PTH1R: variants seen among roughly 807,000 people sequenced by gnomAD.
PTH1R encodes parathyroid hormone/parathyroid hormone-related peptide receptor.
A neutral mutation model predicts 70.7 loss-of-function variants in PTH1R; 32 were observed. The observed-to-expected ratio is 0.45, with a 90% CI of 0.34 to 0.61. PTH1R has a LOEUF of 0.61. Ranked by LOEUF, PTH1R falls within the 20% of genes least tolerant of loss-of-function variation. PTH1R has a pLI of 0.01. For synonymous variants in PTH1R, 329 were observed against 324.8 expected (o/e 1.01, Z -0.14); for missense variants, 626 against 792.5 (o/e 0.79, Z 2.52).
rs1165541152 is a variant in PTH1R, at chr3:46,883,223, G to GC, written c.-48-286dup. 4.6e-6 allele frequency: 1 copy of GC among 217,418 alleles called. No homozygotes were observed. The highest frequency in any genetic ancestry group is 9.0e-6 in the Non-Finnish European group (1 of 110,894). 13.5% of individuals were successfully genotyped at this position (217,418 alleles called of 1,614,324 possible). A position where few individuals can be genotyped will look rare whatever the true frequency, so the allele number is the denominator to read the frequency against. On this transcript the variant is annotated intron_variant, in intron 2 of 15. Transcript: ENST00000449590. This position sits in a 1 kb window ranked among gnomAD's most constrained non-coding sequence, Gnocchi z 6.4. ...GCGGGGGGCGGGCCGGGGGCGGGGG[G>GC]CCCGGCCATATGGATGTGATTTCTT...
intron 10 of PTH1R, among the ~76,000 whole-genome samples, chr3:46,900,233 T>C (rs939537955): frequency 1.3e-5 from 2 of 151,694 alleles, no homozygotes; most frequent in African/African-American, 4.8e-5. Flanking sequence ...AGCCCCAGAG[T>C]TGGGGAGACC....
intron 4 of PTH1R, among the ~76,000 whole-genome samples, chr3:46,895,520 A>G (rs1450379456): frequency 6.6e-6 from 1 of 151,672 alleles, no homozygotes; most frequent in African/African-American, 2.4e-5. Context: ...CTGGGGGACA[A>G]TCTCCACCTC....
chr3:46,901,060 G>A lies in PTH1R; in HGVS notation c.1024G>A (p.Val342Ile), dbSNP rs1471166630. 2 of 1,583,582 alleles carry A rather than the reference G, an allele frequency of 1.3e-6. No homozygotes were observed. The highest frequency in any genetic ancestry group is 1.7e-6 in the Non-Finnish European group (2 of 1,163,720). ...PAVFVAVWVSVRATLANTGCW... is the reference protein window; with the variant it reads ...PAVFVAVWVSIRATLANTGCW... ...TGTCTTCGTGGCTGTGTGGGTCAGT[G>A]TCAGAGCTACCCTGGCCAACACCGG... The change falls in exon 11 of 16, where the codon GTC becomes ATC. Residue 342 changes from valine (V) to isoleucine (I), a missense_variant. Around this residue, in one of 3 missense-constraint regions of PTH1R, gnomAD observed 495 missense variants for 638.7 expected, o/e 0.77. Transcript: ENST00000449590. The surrounding 1 kb of genome is among the most constrained non-coding windows in gnomAD (Gnocchi z 7.3).
Position 46,883,631 on chromosome 3 carries a change from G to T in PTH1R, c.72G>T (p.Ala24=), listed in dbSNP as rs1234738292. 3.2e-6 allele frequency: 5 copies of T among 1,545,412 alleles called. No homozygotes were observed. The highest frequency in any genetic ancestry group is 3.5e-6 in the Non-Finnish European group (4 of 1,146,754). Residue 24 remains alanine, a synonymous_variant, in exon 3 of 16, where the codon GCG becomes GCT. Coordinates refer to ENST00000449590, the MANE Select transcript of PTH1R (RefSeq NM_000316.3). The surrounding 1 kb of genome is among the most constrained non-coding windows in gnomAD (Gnocchi z 6.4). ...GCCCCGTGCTCAGCTCCGCGTACGC[G>T]CTGGTGAGTCCCCCGCCGCCAACAC... The part of the protein sequence containing the change: ...LCCPVLSSAY[A]LVDADDVMTK...
At position 46,898,165 on chromosome 3, in the gene PTH1R, A is replaced by G. The variant is rs1309519646; in HGVS notation, c.516A>G (p.Lys172=). The change falls in exon 7 of 16, where the codon AAA becomes AAG. Residue 172 remains lysine, a synonymous_variant. Coordinates refer to ENST00000449590, the MANE Select transcript of PTH1R (RefSeq NM_000316.3). ...RTWANYSECV[K]FLTNETRERE... Reference sequence around the variant, plus strand: ...GGGCCAACTACAGCGAGTGTGTCAAATTTCTCACCAATGAGACTCGTGAAC... The same window carrying G: ...GGGCCAACTACAGCGAGTGTGTCAAGTTTCTCACCAATGAGACTCGTGAAC... 6.2e-7 allele frequency: 1 copy of G among 1,614,142 alleles called. No homozygotes were observed. Among genetic ancestry groups the G allele is most frequent in the Middle Eastern group, 1.6e-4 (1 of 6,062 alleles).
chr3:46,899,258 C>T (rs779811103), intron 9 of PTH1R, 45 bp from the exon 10 acceptor site: 8 of 1,612,774 alleles, frequency 5.0e-6, no homozygotes, highest in African/African-American at 1.3e-5. Context: ...CCTGACTTCC[C>T]GGAGGCAGGC....
chr3:46,882,242 G>C lies in PTH1R; in HGVS notation c.-49+1124G>C, dbSNP rs1373641675. Reference sequence around the variant, plus strand: ...GGGAGGGAAGAGGCGCCCGGCCGGGGAGAAGGGGAGCGGCAGACGCCGAGG... The same window carrying C: ...GGGAGGGAAGAGGCGCCCGGCCGGGCAGAAGGGGAGCGGCAGACGCCGAGG... On this transcript the variant is annotated intron_variant, in intron 2 of 15. Coordinates refer to ENST00000449590, the MANE Select transcript of PTH1R (RefSeq NM_000316.3). This position sits in a 1 kb window ranked among gnomAD's most constrained non-coding sequence, Gnocchi z 4.3. 1 of 151,964 alleles carries C rather than the reference G, an allele frequency of 6.6e-6. No homozygotes were observed. The highest frequency in any genetic ancestry group is 2.1e-4 in the South Asian group (1 of 4,872). The allele number at this position is 151,964 out of a possible 1,614,324, so 9.4% of individuals were successfully genotyped here. A position where few individuals can be genotyped will look rare whatever the true frequency, so the allele number is the denominator to read the frequency against.
intron 9 of PTH1R, 38 bp downstream of exon 9, chr3:46,898,895 A>C: frequency 7.0e-7 from 1 of 1,430,148 alleles, no homozygotes; most frequent in Non-Finnish European, 9.3e-7. Context: ...CGGTGCCGCC[A>C]CTGGCCTCGT....
chr3:46,887,163 C>T (rs1387026324), intron 3 of PTH1R, among the ~76,000 whole-genome samples: 1 of 151,898 alleles, frequency 6.6e-6, no homozygotes, highest in African/African-American at 2.4e-5. Flanking sequence ...TCGCTTGAAC[C>T]CAGGAGGCAG....
chr3:46,893,019 G>A lies in PTH1R; in HGVS notation c.76-888G>A, dbSNP rs1292457486. On this transcript the variant is annotated intron_variant, in intron 3 of 15. Transcript: ENST00000449590. This position sits in a 1 kb window ranked among gnomAD's most constrained non-coding sequence, Gnocchi z 5.2. ...GGCTGCTCCCAAGTCAGAGGACAGA[G>A]GCTGAGACCCCTCAGCAGCCACCTG... Among the ~76,000 whole-genome samples the A allele has an allele frequency of 2.0e-5, 3 of 152,206 alleles. No homozygotes were observed. The highest frequency in any genetic ancestry group is 7.2e-5 in the African/African-American group (3 of 41,448).
rs1186755874 is a variant in PTH1R, at chr3:46,892,597, G to C, written c.76-1310G>C. 1 of 306,498 alleles carries C rather than the reference G, an allele frequency of 3.3e-6. No individual in the cohort carries two copies. The highest frequency in any genetic ancestry group is 4.8e-6 in the Non-Finnish European group (1 of 207,114). The allele number at this position is 306,498 out of a possible 1,614,324, so 19.0% of individuals were successfully genotyped here. Reference sequence around the variant, plus strand: ...CCTCGCTGCTGCCGCCAAGAGACGCGGTCAATTAACTTCTCCCTGCAGCCA... The same window carrying C: ...CCTCGCTGCTGCCGCCAAGAGACGCCGTCAATTAACTTCTCCCTGCAGCCA... On this transcript the variant is annotated intron_variant, in intron 3 of 15. Transcript: ENST00000449590. This position sits in a 1 kb window ranked among gnomAD's most constrained non-coding sequence, Gnocchi z 5.2.
intron 4 of PTH1R, among the ~76,000 whole-genome samples, chr3:46,895,063 C>CAAAAAAAAAAAAAAA (rs66702283): frequency 1.9e-5 from 1 of 52,866 alleles, no homozygotes; most frequent in African/African-American, 4.4e-5. Flanking sequence ...GACCTTGTCT[C>CAAAAAAAAAAAAAAA]AAAAAAAAAA....
In PTH1R at chr3:46,903,763, G is replaced by T; in HGVS notation, c.*107G>T. ...AGGGCTGGGGCCAAGAGGAAAAACA[G>T]GGAAAAAAAGAAAAAAAAAAGAAAA... On this transcript the variant is annotated 3_prime_UTR_variant, in exon 16 of 16. Transcript: ENST00000449590. This position sits in a 1 kb window ranked among gnomAD's most constrained non-coding sequence, Gnocchi z 4.4. The T allele has an allele frequency of 2.0e-6, 3 of 1,522,826 alleles. No homozygotes were observed. Among genetic ancestry groups the T allele is most frequent in the Non-Finnish European group, 2.6e-6 (3 of 1,137,174 alleles). The allele number at this position is 1,522,826 out of a possible 1,614,324, so 94.3% of individuals were successfully genotyped here.
chr3:46,883,780 T>C lies in PTH1R; in HGVS notation c.75+146T>C. ...CCTCTGATCCAGGATCCTGGGTGCC[T>C]GCTGTCTCTGGGATGTCTGGACTGT... On this transcript the variant is annotated intron_variant, in intron 3 of 15. Coordinates refer to ENST00000449590, the MANE Select transcript of PTH1R (RefSeq NM_000316.3). The surrounding 1 kb of genome is among the most constrained non-coding windows in gnomAD (Gnocchi z 6.4). The C allele has an allele frequency of 1.1e-6, 1 of 930,144 alleles. No individual in the cohort carries two copies. The highest frequency in any genetic ancestry group is 2.1e-5 in the Admixed American group (1 of 46,606). The allele number at this position is 930,144 out of a possible 1,614,324, so 57.6% of individuals were successfully genotyped here.
chr3:46,903,227 GGTTGGGA>G lies in PTH1R; in HGVS notation c.1396-41_1396-35del, dbSNP rs777653420. 8.4e-5 allele frequency: 136 copies of G among 1,609,812 alleles called. No individual in the cohort carries two copies. Among genetic ancestry groups the G allele is most frequent in the Admixed American group, 1.7e-5 (1 of 59,870 alleles). ...AGGGGCCGGGATGGGGCATCGCTGG[GGTTGGGA>G]GACACACCTGACTGCCGCACCCTTA... is the stretch of plus-strand genomic sequence containing the variant. On this transcript the variant is annotated intron_variant, in intron 15 of 15. Coordinates refer to ENST00000449590, the MANE Select transcript of PTH1R (RefSeq NM_000316.3). This position sits in a 1 kb window ranked among gnomAD's most constrained non-coding sequence, Gnocchi z 4.4.
At position 46,902,510 on chromosome 3, in the gene PTH1R, T is replaced by C; in HGVS notation, c.1212-16T>C. ...GGAAGTGGCTTGGCCCTGACCTACC[T>C]GCCCCGCTGGCCCAGGAAGCTGCTC... On this transcript the variant is annotated splice_polypyrimidine_tract_variant and intron_variant, in intron 13 of 15. Transcript: ENST00000449590. This position sits in a 1 kb window ranked among gnomAD's most constrained non-coding sequence, Gnocchi z 5.4. The C allele has an allele frequency of 6.2e-7, 1 of 1,608,866 alleles. No individual in the cohort carries two copies. The highest frequency in any genetic ancestry group is 8.5e-7 in the Non-Finnish European group (1 of 1,178,568).
At chr3:46,895,660 C>A in intron 4 of PTH1R, 75 bp from the exon 5 acceptor site, 1 of 1,611,244 alleles carries the variant, frequency 6.2e-7, no homozygotes, top group South Asian at 1.1e-5. Context: ...AAGGGGGAGT[C>A]TGAGGCCAAA....
At position 46,883,429 on chromosome 3, in the gene PTH1R, C is replaced by T; in HGVS notation, c.-48-83C>T. On this transcript the variant is annotated intron_variant, in intron 2 of 15. Transcript: ENST00000449590. This position sits in a 1 kb window ranked among gnomAD's most constrained non-coding sequence, Gnocchi z 6.4. ...CGCGCCGGGCCCCGGGGCCTCGGGC[C>T]GCCGGGACGCCGGGGTCCCATAGGC... The T allele has an allele frequency of 1.4e-6, 1 of 725,528 alleles. No individual in the cohort carries two copies. Among genetic ancestry groups the T allele is most frequent in the East Asian group, 4.0e-5 (1 of 25,130 alleles). The allele number at this position is 725,528 out of a possible 1,614,324, so 44.9% of individuals were successfully genotyped here.
Position 46,898,807 on chromosome 3 carries a change from C to A in PTH1R, c.784C>A (p.Arg262Ser). 1 of 1,586,156 alleles carries A rather than the reference C, an allele frequency of 6.3e-7. No homozygotes were observed. The highest frequency in any genetic ancestry group is 8.5e-7 in the Non-Finnish European group (1 of 1,171,870). Residue 262 changes from arginine to serine, a missense_variant, in exon 9 of 16, where the codon CGC becomes AGC. Physicochemically the swap from Arg to Ser is moderately radical, Grantham distance 110. Coordinates refer to ENST00000449590, the MANE Select transcript of PTH1R (RefSeq NM_000316.3). ...EAERLTEEEL[R>S]AIAQAPPPPA... is the part of the protein sequence containing the mutation. ...TGAGCGCCTCACCGAGGAGGAGCTG[C>A]GCGCCATCGCCCAGGCGCCCCCGCC...
Sources: allele counts gnomAD v4.1 joint callset (sites outside exome capture counted in the v4.1 genomes callset), GRCh38; gene constraint gnomAD v4.1.1; regional missense constraint gnomAD v4.1.1; non-coding constraint Gnocchi (gnomAD v3.1); transcripts MANE v1.5; gene names NCBI Gene and HGNC (gene_info 2026-07-23, HGNC 2026-07-21).